The following CUX2 variants were observed in gnomAD, a reference collection of about 807,000 sequenced individuals.
CUX2 encodes the protein homeobox protein cut-like 2.
Under a neutral mutation model 144.8 loss-of-function variants are expected in CUX2, and 40 were observed. That is an observed-to-expected ratio of 0.28 (90% CI 0.21 to 0.36). The LOEUF (loss-of-function observed/expected upper bound fraction) is 0.36. Ranked by LOEUF, CUX2 falls within the 10% of genes least tolerant of loss-of-function variation. The probability of loss-of-function intolerance (pLI) is 1.00; values close to 1 mark genes in which losing one functional copy is unlikely to be tolerated. For synonymous variants in CUX2, 827 were observed against 875.6 expected, an observed-to-expected ratio of 0.94 and a Z score of 0.98; for missense variants, 1,615 against 1,994.0, an observed-to-expected ratio of 0.81 and a Z score of 3.62.
chr12:111,089,706 G>A (rs979945728), intron 1 of CUX2, among the ~76,000 whole-genome samples: 2 of 152,224 alleles, frequency 1.3e-5, no homozygotes, highest in African/African-American at 4.8e-5. Flanking sequence ...TAGAGGGAAA[G>A]GCATTCCAGA....
At position 111,277,238 on chromosome 12, in the gene CUX2, C is replaced by A. The variant is rs558121120; in HGVS notation, c.301+13399C>A. Among the ~76,000 whole-genome samples, 1 of 152,118 alleles carries A rather than the reference C, an allele frequency of 6.6e-6. No individual in the cohort carries two copies. The highest frequency in any genetic ancestry group is 1.5e-5 in the Non-Finnish European group (1 of 68,008). On this transcript the variant is annotated intron_variant, in intron 4 of 21. Coordinates refer to ENST00000261726, the MANE Select transcript of CUX2 (RefSeq NM_015267.4). This position sits in a 1 kb window ranked among gnomAD's most constrained non-coding sequence, Gnocchi z 5.0. ...CATAGCACCCCGCCCTCCCAGCCTG[C>A]GCAGGGAGGGGAAAGGAGATTGGCA...
intron 1 of CUX2, among the ~76,000 whole-genome samples, chr12:111,210,236 T>C (rs1254564178): frequency 6.6e-6 from 1 of 152,214 alleles, no homozygotes; most frequent in Non-Finnish European, 1.5e-5. Context: ...AGCTTTTTAA[T>C]TTTAGCTGTG....
chr12:111,129,033 T>C (rs1875271560), intron 1 of CUX2, among the ~76,000 whole-genome samples: 1 of 152,168 alleles, frequency 6.6e-6, no homozygotes, highest in Non-Finnish European at 1.5e-5. Context: ...CACTAGGCAT[T>C]TTGTCTCTTT....
In CUX2 at chr12:111,310,005, CGTCTGTCTGTCT is replaced by C. The variant is rs200995431; in HGVS notation, c.1259-22_1259-11del. ...TCTCTCCCCTCATCATCGTCTTCCC[CGTCTGTCTGTCT>C]GTCTGTCTGTCTGGGTGTTCTAGAG... is the stretch of plus-strand genomic sequence containing the variant. On this transcript the variant is annotated intron_variant, in intron 14 of 21. Transcript: ENST00000261726. The surrounding 1 kb of genome is among the most constrained non-coding windows in gnomAD (Gnocchi z 7.9). The C allele has an allele frequency of 2.4e-6, 3 of 1,266,182 alleles. No individual in the cohort carries two copies. Among genetic ancestry groups the C allele is most frequent in the Non-Finnish European group, 2.0e-6 (2 of 1,004,872 alleles). 78.4% of individuals were successfully genotyped at this position (1,266,182 alleles called of 1,614,324 possible). A position where few individuals can be genotyped will look rare whatever the true frequency, so the allele number is the denominator to read the frequency against.
At chr12:111,154,183 A>C (rs1290646381) in intron 1 of CUX2, among the ~76,000 whole-genome samples, 3 of 151,810 alleles carry the variant, frequency 2.0e-5, no homozygotes, top group Non-Finnish European at 2.9e-5. Context: ...AGCCTGTGTG[A>C]TTGCAGCAGG....
intron 1 of CUX2, among the ~76,000 whole-genome samples, chr12:111,052,378 C>G (rs1043528834): frequency 6.6e-6 from 1 of 151,936 alleles, no homozygotes; most frequent in African/African-American, 2.4e-5. Flanking sequence ...GCAGCTTGTC[C>G]CCAGAACTGA....
intron 1 of CUX2, among the ~76,000 whole-genome samples, chr12:111,062,761 C>T (rs1160610871): frequency 6.6e-6 from 1 of 152,196 alleles, no homozygotes; most frequent in East Asian, 1.9e-4. Flanking sequence ...CAGCTTTAGT[C>T]TGGAAGTCAG....
rs761090391 is a variant in CUX2, at chr12:111,320,823, C to T, written c.2766+48C>T. On this transcript the variant is annotated intron_variant, in intron 17 of 21. Transcript: ENST00000261726. The surrounding 1 kb of genome is among the most constrained non-coding windows in gnomAD (Gnocchi z 8.1). The stretch of plus-strand genomic sequence containing the variant: ...GTGTCTGGGCTCTGGGAGAAGATGT[C>T]GGAGAAGTAGGATGCCCACCCAAGC... 9 of 1,424,968 alleles carry T rather than the reference C, an allele frequency of 6.3e-6. No homozygotes were observed. In the East Asian group the frequency reaches 8.3e-5, roughly 13 times the overall value. 88.3% of individuals were successfully genotyped at this position (1,424,968 alleles called of 1,614,324 possible).
chr12:111,100,512 C>T (rs540346461), intron 1 of CUX2, among the ~76,000 whole-genome samples: 5 of 152,124 alleles, frequency 3.3e-5, no homozygotes, highest in Admixed American at 3.3e-4. Context: ...CTTAAGGAGA[C>T]ACATGGGTGC....
chr12:111,059,441 G>A lies in CUX2; in HGVS notation c.63+25201G>A, dbSNP rs1870669141. On this transcript the variant is annotated intron_variant, in intron 1 of 21. Coordinates refer to ENST00000261726, the MANE Select transcript of CUX2 (RefSeq NM_015267.4). The surrounding 1 kb of genome is among the most constrained non-coding windows in gnomAD (Gnocchi z 5.3). ...GCAGAGATAGCCAGGCCAACTCCCA[G>A]TGAGGGGAGCAGGACTACTGCCTGA... is the stretch of plus-strand genomic sequence containing the variant. Among the ~76,000 whole-genome samples, 1 of 152,236 alleles carries A rather than the reference G, an allele frequency of 6.6e-6. No individual in the cohort carries two copies. Among genetic ancestry groups the A allele is most frequent in the African/African-American group, 2.4e-5 (1 of 41,466 alleles).
At chr12:111,129,530 AG>A (rs1354593785) in intron 1 of CUX2, among the ~76,000 whole-genome samples, 73 of 152,382 alleles carry the variant, frequency 4.8e-4, no homozygotes, top group African/African-American at 1.7e-3. Flanking sequence ...GTGGTACTGC[AG>A]CTGCAATTGG....
At position 111,322,740 on chromosome 12, in the gene CUX2, G is replaced by A. The variant is rs1272361653; in HGVS notation, c.2926+160G>A. ...TCATGGCTGCACTGGAACATGGCGG[G>A]GGGTCCTGGGGTTTCTCTGCTCCCC... On this transcript the variant is annotated intron_variant, in intron 18 of 21. Transcript: ENST00000261726. The surrounding 1 kb of genome is among the most constrained non-coding windows in gnomAD (Gnocchi z 4.2). 1.3e-5 allele frequency among the ~76,000 whole-genome samples: 2 copies of A among 152,166 alleles called. No individual in the cohort carries two copies. The highest frequency in any genetic ancestry group is 4.8e-5 in the African/African-American group (2 of 41,448).
chr12:111,072,930 A>G (rs1871316672), intron 1 of CUX2, among the ~76,000 whole-genome samples: 1 of 152,246 alleles, frequency 6.6e-6, no homozygotes, highest in Admixed American at 6.5e-5. Flanking sequence ...AAAGTAAAAT[A>G]TATTCAATGT....
At chr12:111,308,163 TG>T in intron 12 of CUX2, 121 bp from the exon 13 acceptor site, 1 of 1,065,478 alleles carries the variant, frequency 9.4e-7, no homozygotes. Context: ...CTGGAATTAA[TG>T]GGGTTCTGGG....
chr12:111,179,071 G>A (rs980034715), intron 1 of CUX2, among the ~76,000 whole-genome samples: 9 of 152,170 alleles, frequency 5.9e-5, no homozygotes, highest in Non-Finnish European at 8.8e-5. Flanking sequence ...CTGAGCTACC[G>A]CACAGAGATC....
In CUX2 at chr12:111,295,425, A is replaced by G. The variant is rs377384815; in HGVS notation, c.637+16A>G. 4.9e-4 allele frequency: 794 copies of G among 1,608,918 alleles called. No individual in the cohort carries two copies. Among genetic ancestry groups the G allele is most frequent in the Admixed American group, 7.4e-4 (44 of 59,180 alleles). Reference sequence around the variant, plus strand: ...CTACATTCAGGTATGTGTCGGCACCATGTGGCCTAGAGGGAGGACTGGGAG... The same window carrying G: ...CTACATTCAGGTATGTGTCGGCACCGTGTGGCCTAGAGGGAGGACTGGGAG... On this transcript the variant is annotated intron_variant, in intron 7 of 21. Transcript: ENST00000261726. The surrounding 1 kb of genome is among the most constrained non-coding windows in gnomAD (Gnocchi z 5.0).
At chr12:111,218,013 AG>A in intron 3 of CUX2, 76 bp downstream of exon 3, 1 of 1,518,372 alleles carries the variant, frequency 6.6e-7, no homozygotes. Context: ...AGAGTTGCCC[AG>A]GGGGGCCAGC....
chr12:111,036,361 A>T (rs970596357), intron 1 of CUX2, among the ~76,000 whole-genome samples: 3 of 152,168 alleles, frequency 2.0e-5, no homozygotes, highest in Non-Finnish European at 4.4e-5. Flanking sequence ...TGCGGCTCCC[A>T]GGGGGCTAAT....
Position 111,159,328 on chromosome 12 carries a change from TC to T in CUX2, c.64-54870del, listed in dbSNP as rs35610728. Among the ~76,000 whole-genome samples, 562 of 83,290 alleles carry T rather than the reference TC, an allele frequency of 6.7e-3. 7 individuals are homozygous for T. The highest frequency in any genetic ancestry group is 0.058 in the African/African-American group (495 of 8,502). 54.6% of individuals were successfully genotyped at this position (83,290 alleles called of 152,430 possible). On this transcript the variant is annotated intron_variant, in intron 1 of 21. Transcript: ENST00000261726. ...CATGCCCAGCTGTTTTTTTTTTTTTTCCTAGAGAGAGGGGTCTCACTACATT... is the reference window on the plus strand; with the variant it reads ...CATGCCCAGCTGTTTTTTTTTTTTTTCTAGAGAGAGGGGTCTCACTACATT...
Sources: gnomAD v4.1 joint callset for allele counts (sites outside exome capture counted in the v4.1 genomes callset) on GRCh38, gnomAD v4.1.1 for gene constraint, Gnocchi (gnomAD v3.1) non-coding constraint, MANE v1.5 for transcripts, NCBI Gene and HGNC (gene_info 2026-07-23, HGNC 2026-07-21) for gene names.